The following AK5 variants were observed in gnomAD, a reference collection of about 807,000 sequenced individuals.
The protein encoded by AK5 is adenylate kinase 5.
AK5 carries 27 observed loss-of-function variants against 69.5 expected under a neutral mutation model. The ratio of observed to expected loss-of-function variants is 0.39; its 90% CI spans 0.29 to 0.54. The LOEUF is 0.54. Among genes scored for constraint, AK5 ranks in the 20% least tolerant of loss-of-function variants. The pLI, the probability that AK5 is intolerant of heterozygous loss-of-function variation, is 0.71. For missense variants in AK5, 531 were observed against 700.4 expected (o/e 0.76, Z 2.73); for synonymous variants, 260 against 244.4 (o/e 1.06, Z -0.60).
At chr1:77,376,438 A>AAAAAAC (rs1647245679) in intron 6 of AK5, among the ~76,000 whole-genome samples, 1 of 73,516 alleles carries the variant, frequency 1.4e-5, no homozygotes, top group Non-Finnish European at 2.8e-5. Context: ...AATGCCAAAA[A>AAAAAAC]AAAAAAAAAA....
rs553143897 is a variant in AK5 at position 77,526,298 on chromosome 1, C to T, written c.1428+4355C>T. 8.5e-5 allele frequency among the ~76,000 whole-genome samples: 13 copies of T among 152,096 alleles called. No homozygotes were observed. In the South Asian group the frequency reaches 2.7e-3, roughly 32 times the overall value. On this transcript the variant is annotated intron_variant, in intron 12 of 13. Transcript: ENST00000354567. ...AGGATTGGCAGTTGTGTAAACATGA[C>T]ACTAACATACAATTGTAGATGTGTA...
chr1:77,550,956 C>G (rs1659793566), intron 13 of AK5, among the ~76,000 whole-genome samples: 1 of 152,314 alleles, frequency 6.6e-6, no homozygotes, highest in Admixed American at 6.5e-5. Context: ...GCAGGCAGAT[C>G]ACCTGAGGTC....
chr1:77,440,707 A>G (rs1446818530), intron 8 of AK5, among the ~76,000 whole-genome samples: 2 of 151,090 alleles, frequency 1.3e-5, no homozygotes, highest in Non-Finnish European at 2.9e-5. Context: ...CTCTAACTGT[A>G]TAATTTATAA....
At chr1:77,477,580 A>G (rs1028432578) in intron 8 of AK5, among the ~76,000 whole-genome samples, 2 of 152,230 alleles carry the variant, frequency 1.3e-5, no homozygotes, top group African/African-American at 4.8e-5. Flanking sequence ...TCATTGAGGT[A>G]AGAAAAAATT....
At chr1:77,283,641 A>G in intron 1 of AK5, 1 of 984,512 alleles carries the variant, frequency 1.0e-6, no homozygotes, top group Non-Finnish European at 1.2e-6. Context: ...CAAGCGTGGT[A>G]TGTGAAGCCC....
intron 5 of AK5, among the ~76,000 whole-genome samples, chr1:77,338,058 G>A (rs558514192): frequency 6.6e-6 from 1 of 150,608 alleles, no homozygotes; most frequent in African/African-American, 2.4e-5. Flanking sequence ...TCCGCTTCCC[G>A]GGTTCAAGTG....
At position 77,340,752 on chromosome 1, in the gene AK5, A is replaced by G. The variant is rs1018346890; in HGVS notation, c.891+184A>G. On this transcript the variant is annotated intron_variant, in intron 6 of 13. Transcript: ENST00000354567. The stretch of plus-strand genomic sequence containing the variant: ...TTTTTAAGCCATCATGTTTTTTTAA[A>G]AAAACTTTCTTTTTAATTTAATTGA... 6.6e-6 allele frequency: 3 copies of G among 457,946 alleles called. No individual in the cohort carries two copies. The Admixed American group carries it at 1.2e-4, about 18-fold the overall frequency. The allele number at this position is 457,946 out of a possible 1,614,324, so 28.4% of individuals were successfully genotyped here. A position where few individuals can be genotyped will look rare whatever the true frequency, so the allele number is the denominator to read the frequency against.
chr1:77,523,054 T>TCGCCA (rs1167257377), intron 12 of AK5, among the ~76,000 whole-genome samples: 1 of 152,170 alleles, frequency 6.6e-6, no homozygotes, highest in Non-Finnish European at 1.5e-5. Flanking sequence ...GCGGGACCCA[T>TCGCCA]CGCCATCCAC....
At chr1:77,368,881 T>G (rs1018631464) in intron 6 of AK5, among the ~76,000 whole-genome samples, 8 of 152,130 alleles carry the variant, frequency 5.3e-5, no homozygotes, top group Non-Finnish European at 1.2e-4. Context: ...CAATTAAAGG[T>G]GGTTATGTAT....
intron 8 of AK5, among the ~76,000 whole-genome samples, chr1:77,468,333 C>T (rs1011954931): frequency 1.3e-5 from 2 of 152,198 alleles, no homozygotes; most frequent in Admixed American, 6.5e-5. Flanking sequence ...AGAAAAAGAT[C>T]CCCGTCTTGG....
intron 10 of AK5, among the ~76,000 whole-genome samples, chr1:77,515,526 A>G (rs372849246): frequency 6.6e-6 from 1 of 152,208 alleles, no homozygotes; most frequent in African/African-American, 2.4e-5. Flanking sequence ...TTTATGGTGC[A>G]CTTACGATGT....
chr1:77,470,862 TATATATATATATA>T (rs1473536515), intron 8 of AK5, among the ~76,000 whole-genome samples: 95 of 2,638 alleles, frequency 0.036, 4 homozygotes, highest in Non-Finnish European at 0.044. Flanking sequence ...TATATATATA[TATATATATATATA>T]TTTTTTTTTT....
chr1:77,310,299 A>G (rs540731525), intron 5 of AK5, among the ~76,000 whole-genome samples: 5 of 152,232 alleles, frequency 3.3e-5, no homozygotes, highest in Non-Finnish European at 7.3e-5. Context: ...TTTCTGCACC[A>G]ATATCATGGT....
intron 5 of AK5, among the ~76,000 whole-genome samples, chr1:77,320,996 G>A (rs775496979): frequency 8.5e-5 from 13 of 152,114 alleles, no homozygotes; most frequent in Non-Finnish European, 1.3e-4. Flanking sequence ...CTCATAATTG[G>A]AAATGTTAAC....
rs201956344 is a variant in AK5, at chr1:77,340,587, T to C, written c.891+19T>C. The C allele has an allele frequency of 1.9e-6, 3 of 1,609,018 alleles. No homozygotes were observed. The highest frequency in any genetic ancestry group is 4.5e-5 in the East Asian group (2 of 44,790). The stretch of plus-strand genomic sequence containing the variant: ...CATGACAGTAAGTTAGCTCGACTTT[T>C]ACAAGTCCAATACAAGAGCGCTCTT... On this transcript the variant is annotated intron_variant, in intron 6 of 13. Transcript: ENST00000354567.
intron 10 of AK5, among the ~76,000 whole-genome samples, chr1:77,495,665 A>G (rs1277548770): frequency 2.0e-5 from 3 of 152,194 alleles, no homozygotes; most frequent in African/African-American, 7.2e-5. Context: ...TCTGAGGGCC[A>G]TTGGCAGCAA....
chr1:77,551,034 G>A (rs1184451116), intron 13 of AK5, among the ~76,000 whole-genome samples: 2 of 152,116 alleles, frequency 1.3e-5, no homozygotes, highest in East Asian at 3.9e-4. Context: ...AAAATTAGCT[G>A]GACGTGGTGG....
At chr1:77,432,235 G>A (rs1651687443) in intron 8 of AK5, among the ~76,000 whole-genome samples, 1 of 152,054 alleles carries the variant, frequency 6.6e-6, no homozygotes, top group Non-Finnish European at 1.5e-5. Context: ...ATTGTCCCTT[G>A]GTGCCAGGAT....
Position 77,340,494 on chromosome 1 carries a change from A to G in AK5, c.817A>G (p.Arg273Gly), listed in dbSNP as rs750133840. 1 of 1,614,170 alleles carries G rather than the reference A, an allele frequency of 6.2e-7. No homozygotes were observed. The highest frequency in any genetic ancestry group is 8.5e-7 in the Non-Finnish European group (1 of 1,180,010). Residue 273 changes from arginine (R) to glycine (G), a missense_variant, in exon 6 of 14, where the codon AGG becomes GGG. Physicochemically the swap from Arg to Gly is moderately radical, Grantham distance 125. Coordinates refer to ENST00000354567, the MANE Select transcript of AK5 (RefSeq NM_174858.3). ...RPDDNVKATQRRLMNFKQNAA... is the reference protein window; with the variant it reads ...RPDDNVKATQGRLMNFKQNAA... The stretch of plus-strand genomic sequence containing the variant: ...AGACGACAATGTAAAAGCTACCCAA[A>G]GGAGACTAATGAACTTCAAGCAGAA...
Sources: allele counts gnomAD v4.1 joint callset (sites outside exome capture counted in the v4.1 genomes callset), GRCh38; gene constraint gnomAD v4.1.1; transcripts MANE v1.5; gene names NCBI Gene and HGNC (gene_info 2026-07-23, HGNC 2026-07-21).